TRIO: variants seen among roughly 807,000 people sequenced by gnomAD.
TRIO encodes triple functional domain protein.
In TRIO, 58 loss-of-function variants were observed where a neutral mutation model predicts 351.9. The ratio of observed to expected loss-of-function variants is 0.16; its 90% CI spans 0.13 to 0.21. The LOEUF (loss-of-function observed/expected upper bound fraction) is 0.21, where lower values mean the gene tolerates loss of function less well. Ranked by LOEUF, TRIO falls within the 10% of genes least tolerant of loss-of-function variation. The pLI is 1.00. For missense variants in TRIO, 3,201 were observed against 4,027.8 expected (o/e 0.79, Z 5.56); for synonymous variants, 1,758 against 1,595.7 (o/e 1.10, Z -2.42).
rs202099280 is a variant in TRIO at position 14,359,474 on chromosome 5, C to A, written c.2334C>A (p.Arg778=). The change falls in exon 13 of 57, where the codon CGC becomes CGA. Residue 778 remains arginine (R), a synonymous_variant. Transcript: ENST00000344204. Reference sequence around the variant, plus strand: ...AGATGGAGGAGCTCTTCCAGGAGCGCAAGATCAAGCTGGAGCTCTTCCTGC... The same window carrying A: ...AGATGGAGGAGCTCTTCCAGGAGCGAAAGATCAAGCTGGAGCTCTTCCTGC... The part of the protein sequence containing the change: ...QSQMEELFQE[R]KIKLELFLQL... The A allele has an allele frequency of 4.3e-6, 7 of 1,614,274 alleles. No individual in the cohort carries two copies. Among genetic ancestry groups the A allele is most frequent in the Admixed American group, 1.7e-5 (1 of 60,034 alleles).
In TRIO at chr5:14,179,560, G is replaced by A. The variant is rs902769100; in HGVS notation, c.157+35678G>A. Among the ~76,000 whole-genome samples, 3 of 150,782 alleles carry A rather than the reference G, an allele frequency of 2.0e-5. 1 individual carries two copies. The highest frequency in any genetic ancestry group is 1.3e-4 in the Admixed American group (2 of 15,160). On this transcript the variant is annotated intron_variant, in intron 1 of 56. Coordinates refer to ENST00000344204, the MANE Select transcript of TRIO (RefSeq NM_007118.4). ...CTGCAGCCTTGAGCTCCGCTGAAGTGATCCTCCTGCCTCAGCCAGGCATGC... is the reference window on the plus strand; with the variant it reads ...CTGCAGCCTTGAGCTCCGCTGAAGTAATCCTCCTGCCTCAGCCAGGCATGC...
intron 11 of TRIO, among the ~76,000 whole-genome samples, chr5:14,349,343 GT>G (rs1561374818): frequency 6.6e-6 from 1 of 151,686 alleles, no homozygotes; most frequent in Admixed American, 6.6e-5. Flanking sequence ...ATGAGCATGT[GT>G]TTTTCCTGCA....
intron 1 of TRIO, among the ~76,000 whole-genome samples, chr5:14,173,847 G>A (rs982364311): frequency 6.6e-6 from 1 of 152,214 alleles, no homozygotes; most frequent in Non-Finnish European, 1.5e-5. Context: ...TAAATTAGAA[G>A]CGTCTGTCTC....
intron 1 of TRIO, among the ~76,000 whole-genome samples, chr5:14,270,276 A>G (rs1795905044): frequency 6.6e-6 from 1 of 152,138 alleles, no homozygotes; most frequent in Non-Finnish European, 1.5e-5. Context: ...ACATTCCTCC[A>G]GGGGGCATGA....
intron 27 of TRIO, 59 bp downstream of exon 27, chr5:14,391,049 C>T (rs1283297485): frequency 4.4e-5 from 59 of 1,352,422 alleles, no homozygotes; most frequent in Non-Finnish European, 5.8e-5. Context: ...TAAAATGCGG[C>T]ATTACTCATA....
At chr5:14,283,558 T>A (rs1736190945) in intron 3 of TRIO, among the ~76,000 whole-genome samples, 1 of 152,210 alleles carries the variant, frequency 6.6e-6, no homozygotes, top group Non-Finnish European at 1.5e-5. Context: ...TATAGTGCAA[T>A]AATTTTCTGA....
chr5:14,302,891 C>T (rs1050387388), intron 7 of TRIO, among the ~76,000 whole-genome samples: 2 of 152,238 alleles, frequency 1.3e-5, no homozygotes, highest in Admixed American at 1.3e-4. Context: ...TTAATTGGGC[C>T]TTCCGCACTT....
At chr5:14,460,415 CCTGGATG>C (rs1753692103) in intron 34 of TRIO, among the ~76,000 whole-genome samples, 1 of 152,104 alleles carries the variant, frequency 6.6e-6, no homozygotes, top group Admixed American at 6.5e-5. Flanking sequence ...CCGGCTTTGT[CCTGGATG>C]CTGGTCTCCC....
chr5:14,257,144 C>T (rs549145045), intron 1 of TRIO, among the ~76,000 whole-genome samples: 2 of 152,354 alleles, frequency 1.3e-5, no homozygotes, highest in African/African-American at 4.8e-5. Context: ...TGAGGTCTGT[C>T]TGTGCCTCTG....
At chr5:14,191,650 G>A (rs1790465472) in intron 1 of TRIO, among the ~76,000 whole-genome samples, 1 of 151,976 alleles carries the variant, frequency 6.6e-6, no homozygotes, top group Middle Eastern at 3.4e-3. Flanking sequence ...TGTAATTTAT[G>A]ATATTTTCTT....
chr5:14,316,540 G>T lies in TRIO; in HGVS notation c.1528G>T (p.Asp510Tyr). Reference protein sequence around the residue: ...EVSQDGKSLLDKLQRPLTPGS... With the variant: ...EVSQDGKSLLYKLQRPLTPGS... ...CAGCCAAGATGGGAAGTCGCTCCTT[G>T]ACAAGCTCCAGCGGCCCTTGACTCC... The change falls in exon 9 of 57, where the codon GAC becomes TAC. Residue 510 changes from aspartate to tyrosine, a missense_variant. Asp to Tyr is a radical substitution (Grantham distance 160, BLOSUM62 -3). Transcript: ENST00000344204. 6.2e-7 allele frequency: 1 copy of T among 1,614,144 alleles called. No individual in the cohort carries two copies. The highest frequency in any genetic ancestry group is 1.1e-5 in the South Asian group (1 of 91,064).
At chr5:14,202,308 T>A (rs1361552023) in intron 1 of TRIO, among the ~76,000 whole-genome samples, 67 of 95,400 alleles carry the variant, frequency 7.0e-4, no homozygotes, top group African/African-American at 3.0e-3. Context: ...TTTTTTTTTT[T>A]TTTTTTTTTT....
At chr5:14,158,423 C>CAA (rs575233067) in intron 1 of TRIO, among the ~76,000 whole-genome samples, 1 of 124,388 alleles carries the variant, frequency 8.0e-6, no homozygotes. Flanking sequence ...GACTCCGCCT[C>CAA]AAAAAAAAAA....
chr5:14,314,380 TG>T (rs1739196174), intron 8 of TRIO, among the ~76,000 whole-genome samples: 1 of 152,230 alleles, frequency 6.6e-6, no homozygotes, highest in African/African-American at 2.4e-5. Context: ...ATTCAGATGC[TG>T]GTCATATATA....
intron 49 of TRIO, among the ~76,000 whole-genome samples, chr5:14,494,578 A>T (rs1756737056): frequency 6.6e-6 from 1 of 152,354 alleles, no homozygotes. Context: ...ATCAAGGAGT[A>T]ATTTGGACTT....
In TRIO at chr5:14,394,027, TTTTAA is replaced by T; in HGVS notation, c.4219-9_4219-5del. 6.2e-7 allele frequency: 1 copy of T among 1,604,280 alleles called. No individual in the cohort carries two copies. The stretch of plus-strand genomic sequence containing the variant: ...ATGATAACTCTTGTTTCTTGTTTGG[TTTTAA>T]TACAGGAGATACAGCAGCGACATGG... On this transcript the variant is annotated splice_region_variant and splice_polypyrimidine_tract_variant and intron_variant, in intron 27 of 56. Coordinates refer to ENST00000344204, the MANE Select transcript of TRIO (RefSeq NM_007118.4).
At chr5:14,361,711 C>T (rs1744166952) in intron 13 of TRIO, among the ~76,000 whole-genome samples, 1 of 152,224 alleles carries the variant, frequency 6.6e-6, no homozygotes, top group African/African-American at 2.4e-5. Flanking sequence ...GTGGACAGTC[C>T]TCCTGTGGAG....
intron 1 of TRIO, among the ~76,000 whole-genome samples, chr5:14,155,253 T>C (rs1205646096): frequency 6.6e-6 from 1 of 152,236 alleles, no homozygotes; most frequent in Non-Finnish European, 1.5e-5. Context: ...TGGATATAGC[T>C]AATTTACATG....
intron 1 of TRIO, among the ~76,000 whole-genome samples, chr5:14,160,598 A>G (rs1788386740): frequency 6.6e-6 from 1 of 152,238 alleles, no homozygotes; most frequent in African/African-American, 2.4e-5. Context: ...GTGCTGGGGA[A>G]TAATGTAGAA....
Sources: allele counts gnomAD v4.1 joint callset (sites outside exome capture counted in the v4.1 genomes callset), GRCh38; gene constraint gnomAD v4.1.1; transcripts MANE v1.5; gene names NCBI Gene and HGNC (gene_info 2026-07-23, HGNC 2026-07-21).